UNC13C: variants seen among roughly 807,000 people sequenced by gnomAD.
UNC13C encodes the protein protein unc-13 homolog C.
In UNC13C, 174 loss-of-function variants were observed where a neutral mutation model predicts 245.4. That is an observed-to-expected ratio of 0.71 (90% CI 0.63 to 0.80). The LOEUF (loss-of-function observed/expected upper bound fraction) is 0.80. UNC13C is among the 30% of genes least tolerant of loss of function. The probability of loss-of-function intolerance (pLI) is 0.00; values close to 1 mark genes in which losing one functional copy is unlikely to be tolerated. For synonymous variants in UNC13C, 992 were observed against 895.1 expected (o/e 1.11, Z -1.93); for missense variants, 2,829 against 2,602.9 (o/e 1.09, Z -1.89).
the UNC13C span, among the ~76,000 whole-genome samples, chr15:53,872,245 G>T: frequency 6.6e-6 from 1 of 152,258 alleles, no homozygotes; most frequent in South Asian, 2.1e-4. Flanking sequence ...GGAGGAATAT[G>T]TCAGATAGGG....
intron 2 of UNC13C, among the ~76,000 whole-genome samples, chr15:54,106,924 G>A (rs541291030): frequency 2.0e-5 from 3 of 152,196 alleles, no homozygotes; most frequent in Non-Finnish European, 2.9e-5. Context: ...TGGCTCAGGG[G>A]CACTCTTGCT....
chr15:53,888,956 C>G, the UNC13C span, among the ~76,000 whole-genome samples: 3 of 151,938 alleles, frequency 2.0e-5, no homozygotes, highest in African/African-American at 7.3e-5. Flanking sequence ...TCTGTAGCCT[C>G]GTAGTATTGT....
intron 10 of UNC13C, among the ~76,000 whole-genome samples, chr15:54,271,104 A>G (rs1468383598): frequency 6.6e-6 from 1 of 152,170 alleles, no homozygotes; most frequent in African/African-American, 2.4e-5. Context: ...GTTTGAATTT[A>G]TAATCTTTAA....
upstream of UNC13C, among the ~76,000 whole-genome samples, chr15:53,977,348 T>A (rs961149064): frequency 4.2e-4 from 64 of 152,320 alleles, no homozygotes; most frequent in African/African-American, 1.2e-3. Context: ...CAAAATGCTA[T>A]ATCCGGTTTA....
At chr15:54,224,933 T>C (rs558491410) in intron 4 of UNC13C, among the ~76,000 whole-genome samples, 2 of 152,190 alleles carry the variant, frequency 1.3e-5, no homozygotes, top group South Asian at 4.1e-4. Flanking sequence ...TTTATTGGCA[T>C]ATAGTTGCTC....
At chr15:54,491,758 T>G (rs980649638) in intron 19 of UNC13C, among the ~76,000 whole-genome samples, 3 of 152,096 alleles carry the variant, frequency 2.0e-5, no homozygotes, top group Admixed American at 6.5e-5. Context: ...ATCCCAGTAC[T>G]TTGGGAGGCC....
At chr15:54,527,409 A>G (rs1895523055) in intron 25 of UNC13C, among the ~76,000 whole-genome samples, 1 of 152,212 alleles carries the variant, frequency 6.6e-6, no homozygotes. Flanking sequence ...GAGGTCAGGA[A>G]TAGCTAGAGT....
intron 19 of UNC13C, among the ~76,000 whole-genome samples, chr15:54,436,140 T>A (rs771149464): frequency 1.3e-5 from 2 of 152,002 alleles, no homozygotes; most frequent in Non-Finnish European, 2.9e-5. Flanking sequence ...TTGGTGGGAA[T>A]GTAAATTAGT....
At chr15:54,613,539 G>C (rs1045468612) in intron 30 of UNC13C, among the ~76,000 whole-genome samples, 1 of 151,798 alleles carries the variant, frequency 6.6e-6, no homozygotes, top group Non-Finnish European at 1.5e-5. Context: ...AAATATTAAC[G>C]AATAAATATT....
the UNC13C span, among the ~76,000 whole-genome samples, chr15:53,960,965 A>G: frequency 6.6e-6 from 1 of 152,154 alleles, no homozygotes; most frequent in African/African-American, 2.4e-5. Flanking sequence ...AAAGTCTCAA[A>G]ATTGTTTGCT....
chr15:54,244,818 A>G (rs1361186151), intron 7 of UNC13C, among the ~76,000 whole-genome samples: 1 of 152,104 alleles, frequency 6.6e-6, no homozygotes, highest in Non-Finnish European at 1.5e-5. Context: ...TTGCACATTG[A>G]TTTTGTATCC....
intron 2 of UNC13C, among the ~76,000 whole-genome samples, chr15:54,016,334 G>A (rs1244611975): frequency 6.6e-6 from 1 of 152,184 alleles, no homozygotes; most frequent in Non-Finnish European, 1.5e-5. Flanking sequence ...TGGACTCTGA[G>A]ACTTAACCAC....
chr15:54,486,223 A>C (rs1238111495), intron 19 of UNC13C, among the ~76,000 whole-genome samples: 1 of 149,810 alleles, frequency 6.7e-6, no homozygotes, highest in African/African-American at 2.5e-5. Context: ...CAACCTGGTC[A>C]ACGTGGTGAA....
rs574810532 is a variant in UNC13C, at chr15:54,219,887, C to T, written c.3072-15143C>T. 7.3e-3 allele frequency among the ~76,000 whole-genome samples: 1,103 copies of T among 151,866 alleles called. 19 individuals are homozygous for T. Among genetic ancestry groups the T allele is most frequent in the African/African-American group, 0.026 (1,067 of 41,272 alleles). On this transcript the variant is annotated intron_variant, in intron 4 of 32. Transcript: ENST00000260323. The stretch of plus-strand genomic sequence containing the variant: ...CCATCAGAGAAATGCAAATCAAAAC[C>T]ACAGTGAGATACCAACTCACACCAG...
At chr15:53,967,069 G>C in the UNC13C span, among the ~76,000 whole-genome samples, 1 of 151,866 alleles carries the variant, frequency 6.6e-6, no homozygotes, top group Non-Finnish European at 1.5e-5. Flanking sequence ...CTCACCTCTA[G>C]TTTTTCCAAT....
intron 19 of UNC13C, among the ~76,000 whole-genome samples, chr15:54,458,078 G>T (rs1037376374): frequency 2.6e-5 from 4 of 151,060 alleles, no homozygotes; most frequent in South Asian, 4.2e-4. Flanking sequence ...GATTTTTATT[G>T]GTTGTGTCAT....
At chr15:54,343,447 A>G (rs1183358065) in intron 17 of UNC13C, among the ~76,000 whole-genome samples, 1 of 152,186 alleles carries the variant, frequency 6.6e-6, no homozygotes, top group Admixed American at 6.5e-5. Context: ...GCATAACTTT[A>G]TAATCAATCT....
intron 17 of UNC13C, among the ~76,000 whole-genome samples, chr15:54,341,185 G>T (rs1171890920): frequency 6.6e-6 from 1 of 152,136 alleles, no homozygotes; most frequent in African/African-American, 2.4e-5. Flanking sequence ...ATTCACAAAA[G>T]CAAAGACATG....
At chr15:54,383,385 T>C (rs1473061870) in intron 17 of UNC13C, among the ~76,000 whole-genome samples, 2 of 152,046 alleles carry the variant, frequency 1.3e-5, no homozygotes, top group Non-Finnish European at 2.9e-5. Flanking sequence ...GTTCAACATA[T>C]TCAGGTCAAT....
Sources: gnomAD v4.1 joint callset for allele counts (sites outside exome capture counted in the v4.1 genomes callset) on GRCh38, gnomAD v4.1.1 for gene constraint, MANE v1.5 for transcripts, NCBI Gene and HGNC (gene_info 2026-07-23, HGNC 2026-07-21) for gene names.